Variants in CDKL1 observed in about 807,000 individuals in gnomAD.
CDKL1 encodes the protein cyclin dependent kinase like 1, also known as cyclin-dependent kinase-like 1.
CDKL1 carries 41 observed loss-of-function variants against 42.0 expected under a neutral mutation model. The ratio of observed to expected loss-of-function variants is 0.98; its 90% confidence interval spans 0.76 to 1.27. The LOEUF is 1.27. Among genes scored for constraint, CDKL1 ranks in the 50% most tolerant of loss-of-function variants. The pLI, the probability that CDKL1 is intolerant of heterozygous loss-of-function variation, is 0.00. For missense variants in CDKL1, 394 were observed against 428.4 expected (o/e 0.92, Z 0.71); for synonymous variants, 153 against 158.6 (o/e 0.96, Z 0.26).
chr14:50,356,037 A>G (rs1047622117), intron 3 of CDKL1, among the ~76,000 whole-genome samples: 62 of 152,114 alleles, frequency 4.1e-4, no homozygotes, highest in Non-Finnish European at 5.9e-5. Context: ...TATTTTAAGA[A>G]ATCTGTACTT....
intron 3 of CDKL1, among the ~76,000 whole-genome samples, chr14:50,351,854 T>C (rs1180532424): frequency 6.6e-6 from 1 of 151,992 alleles, no homozygotes; most frequent in Non-Finnish European, 1.5e-5. Flanking sequence ...AGCCATAGTA[T>C]GGTACAATGC....
At chr14:50,352,693 T>C (rs2033938427) in intron 3 of CDKL1, among the ~76,000 whole-genome samples, 1 of 152,158 alleles carries the variant, frequency 6.6e-6, no homozygotes, top group Non-Finnish European at 1.5e-5. Context: ...ACACAGAGAA[T>C]GTGGTGCTTC....
At position 50,395,746 on chromosome 14, in the gene CDKL1, G is replaced by A. The variant is rs182019711; in HGVS notation, c.123C>T (p.Asp41=). The change falls in exon 2 of 10, where the codon GAC becomes GAT. Residue 41 remains aspartate, a synonymous_variant. Coordinates refer to ENST00000395834, the MANE Select transcript of CDKL1 (RefSeq NM_004196.7). ...AIKKFLESED[D]PVIKKIALRE... The stretch of plus-strand genomic sequence containing the variant: ...GAAGGGCAATTTTCTTTATGACAGG[G>A]TCATCTTCTGATTCCAGAAACTTCT... The A allele has an allele frequency of 3.1e-6, 5 of 1,613,876 alleles. No homozygotes were observed. In the Admixed American group the frequency reaches 8.3e-5, roughly 27 times the overall value.
intron 9 of CDKL1, chr14:50,331,107 C>G (rs2032915143): frequency 6.6e-6 from 1 of 152,286 alleles, no homozygotes; most frequent in African/African-American, 2.4e-5. Flanking sequence ...CTGGCACATG[C>G]CTGTAATCCC....
intron 2 of CDKL1, among the ~76,000 whole-genome samples, chr14:50,389,480 G>T (rs960760601): frequency 6.6e-6 from 1 of 152,040 alleles, no homozygotes; most frequent in Admixed American, 6.5e-5. Flanking sequence ...AAAAAAGTTA[G>T]ATTTTTTTGC....
At chr14:50,374,142 T>C (rs1171169609) in intron 2 of CDKL1, among the ~76,000 whole-genome samples, 2 of 152,184 alleles carry the variant, frequency 1.3e-5, no homozygotes, top group Non-Finnish European at 2.9e-5. Flanking sequence ...TTTAAATGCA[T>C]ATTGTTAAGT....
intron 6 of CDKL1, among the ~76,000 whole-genome samples, chr14:50,339,553 G>T (rs896705537): frequency 7.0e-6 from 1 of 143,176 alleles, no homozygotes; most frequent in African/African-American, 2.5e-5. Context: ...GAGGGGAGGG[G>T]AAGGGAAGGA....
intron 2 of CDKL1, among the ~76,000 whole-genome samples, chr14:50,382,856 GCGTT>G (rs1245016486): frequency 3.9e-5 from 6 of 152,082 alleles, no homozygotes; most frequent in Non-Finnish European, 7.3e-5. Context: ...GCCTCCCAAA[GCGTT>G]AGGATTACAG....
chr14:50,340,538 T>A (rs1310443368), intron 6 of CDKL1, among the ~76,000 whole-genome samples: 2 of 151,704 alleles, frequency 1.3e-5, no homozygotes, highest in Non-Finnish European at 2.9e-5. Context: ...GGCACTGGGG[T>A]GGGAAAGCAA....
chr14:50,390,904 G>A (rs960158020), intron 2 of CDKL1, among the ~76,000 whole-genome samples: 1 of 152,060 alleles, frequency 6.6e-6, no homozygotes, highest in African/African-American at 2.4e-5. Context: ...CACAAATCAC[G>A]GCTCACTGCA....
At chr14:50,371,476 G>C (rs1430084765) in intron 2 of CDKL1, among the ~76,000 whole-genome samples, 3 of 152,216 alleles carry the variant, frequency 2.0e-5, no homozygotes, top group Admixed American at 2.0e-4. Context: ...CTAATGATTA[G>C]AAATGTTGAG....
At chr14:50,391,445 C>T (rs949902450) in intron 2 of CDKL1, among the ~76,000 whole-genome samples, 11 of 152,184 alleles carry the variant, frequency 7.2e-5, no homozygotes, top group South Asian at 6.2e-4. Context: ...CACAGGGGCA[C>T]GATCTCAGTT....
chr14:50,380,722 A>G (rs559078855), intron 2 of CDKL1, among the ~76,000 whole-genome samples: 63 of 152,146 alleles, frequency 4.1e-4, no homozygotes, highest in Non-Finnish European at 7.8e-4. Context: ...TGTGTACCAC[A>G]GAGTGGAAGA....
intron 2 of CDKL1, among the ~76,000 whole-genome samples, chr14:50,361,999 C>A (rs969055766): frequency 1.3e-5 from 2 of 152,200 alleles, no homozygotes; most frequent in Non-Finnish European, 2.9e-5. Flanking sequence ...TGGGCATGGG[C>A]TTGGGGGGCC....
rs2032732858 is a variant in CDKL1, at chr14:50,327,082, C to G, written c.*2992G>C. ...AAAGGGCTGGCCTGTAATCCCAGCA[C>G]TTTTGAAGGCCAAGGCAGGCAGATC... On this transcript the variant is annotated 3_prime_UTR_variant, in exon 10 of 10. Transcript: ENST00000395834. 2 of 152,050 alleles carry G rather than the reference C, an allele frequency of 1.3e-5. No individual in the cohort carries two copies. Among genetic ancestry groups the G allele is most frequent in the African/African-American group, 4.8e-5 (2 of 41,358 alleles). 9.4% of individuals were successfully genotyped at this position (152,050 alleles called of 1,614,324 possible).
intron 2 of CDKL1, among the ~76,000 whole-genome samples, chr14:50,376,076 AG>A (rs2034723533): frequency 6.6e-6 from 1 of 152,208 alleles, no homozygotes; most frequent in African/African-American, 2.4e-5. Context: ...GTTTCCTAGA[AG>A]GGATTCTGGA....
At chr14:50,337,605 G>A (rs560000743) in intron 7 of CDKL1, among the ~76,000 whole-genome samples, 11 of 151,606 alleles carry the variant, frequency 7.3e-5, no homozygotes, top group South Asian at 4.2e-4. Flanking sequence ...TTTCACCTCA[G>A]TTGTCTCCTG....
intron 9 of CDKL1, 103 bp downstream of exon 9, chr14:50,332,159 T>A: frequency 6.2e-7 from 1 of 1,613,768 alleles, no homozygotes; most frequent in East Asian, 2.2e-5. Flanking sequence ...CTCCTAGTGC[T>A]GGAATGAGGA....
intron 2 of CDKL1, chr14:50,390,418 C>G (rs764441870): frequency 7.5e-7 from 1 of 1,329,052 alleles, no homozygotes; most frequent in South Asian, 1.2e-5. Flanking sequence ...TTTCATTCCA[C>G]AGAGAGAAGG....
Sources: gnomAD v4.1 joint callset for allele counts (sites outside exome capture counted in the v4.1 genomes callset) on GRCh38, gnomAD v4.1.1 for gene constraint, MANE v1.5 for transcripts, NCBI Gene and HGNC (gene_info 2026-07-23, HGNC 2026-07-21) for gene names.